The following FGF1 variants were observed in gnomAD, a reference collection of about 807,000 sequenced individuals.
FGF1 encodes beta-endothelial cell growth factor.
A neutral mutation model predicts 13.4 loss-of-function variants in FGF1; 9 were observed. That is an observed-to-expected ratio of 0.67 (90% CI 0.40 to 1.17). FGF1 has a LOEUF of 1.17. Ranked by LOEUF, FGF1 falls within the 50% of genes most tolerant of loss-of-function variation. FGF1 has a pLI of 0.01. For missense variants in FGF1, 156 were observed against 192.7 expected (o/e 0.81, Z 1.13); for synonymous variants, 93 against 79.0 (o/e 1.18, Z -0.94).
In FGF1 at chr5:142,629,370, C is replaced by T. The variant is rs1237683061; in HGVS notation, c.-34-15209G>A. On this transcript the variant is annotated intron_variant, in intron 1 of 3. Transcript: ENST00000337706. Reference sequence around the variant, plus strand: ...GTAGAGACAAGGTCTCGCTATGTTGCCCCGGCTGGTCTTCAACTCCTGGGC... The same window carrying T: ...GTAGAGACAAGGTCTCGCTATGTTGTCCCGGCTGGTCTTCAACTCCTGGGC... 2.6e-5 allele frequency among the ~76,000 whole-genome samples: 4 copies of T among 152,108 alleles called. No individual in the cohort carries two copies. The East Asian group carries it at 7.7e-4, about 29-fold the overall frequency.
At chr5:142,611,492 G>T (rs973047483) in intron 2 of FGF1, among the ~76,000 whole-genome samples, 1 of 152,180 alleles carries the variant, frequency 6.6e-6, no homozygotes, top group Non-Finnish European at 1.5e-5. Flanking sequence ...CCAGGGCTGG[G>T]GGGCTTGAAG....
intron 1 of FGF1, among the ~76,000 whole-genome samples, chr5:142,638,840 C>A (rs1178325593): frequency 2.0e-5 from 3 of 151,904 alleles, no homozygotes; most frequent in African/African-American, 7.3e-5. Flanking sequence ...AGAAAGCAAT[C>A]CCATTAAAAA....
intron 1 of FGF1, among the ~76,000 whole-genome samples, 156 bp from the exon 2 acceptor site, chr5:142,614,317 T>C (rs1759741606): frequency 6.6e-6 from 1 of 152,072 alleles, no homozygotes; most frequent in African/African-American, 2.4e-5. Context: ...GCCTGTGAGG[T>C]GGCTGGTGGT....
At chr5:142,634,980 G>C (rs949428109) in intron 1 of FGF1, among the ~76,000 whole-genome samples, 3 of 151,966 alleles carry the variant, frequency 2.0e-5, no homozygotes, top group Admixed American at 6.6e-5. Context: ...TCGATTGCTC[G>C]TTGTTGCACA....
At chr5:142,664,363 TG>T (rs1769881038) in intron 1 of FGF1, among the ~76,000 whole-genome samples, 1 of 152,208 alleles carries the variant, frequency 6.6e-6, no homozygotes, top group South Asian at 2.1e-4. Context: ...GCCGTGTCAC[TG>T]GCTATGGGCA....
intron 2 of FGF1, among the ~76,000 whole-genome samples, chr5:142,691,128 A>G (rs1199347741): frequency 6.6e-6 from 1 of 152,104 alleles, no homozygotes; most frequent in Non-Finnish European, 1.5e-5. Context: ...TATTCATAAA[A>G]TGTTTACTTA....
chr5:142,613,010 T>G (rs747089280), intron 2 of FGF1, among the ~76,000 whole-genome samples: 1 of 152,212 alleles, frequency 6.6e-6, no homozygotes, highest in African/African-American at 2.4e-5. Context: ...GAAACTTCCT[T>G]CCTGCCTGTC....
At chr5:142,657,813 G>C (rs1159844996) in intron 1 of FGF1, among the ~76,000 whole-genome samples, 1 of 152,208 alleles carries the variant, frequency 6.6e-6, no homozygotes, top group Non-Finnish European at 1.5e-5. Context: ...TGGTGTCTGG[G>C]TCTTCTTTCT....
intron 1 of FGF1, among the ~76,000 whole-genome samples, chr5:142,676,142 C>T (rs1043337842): frequency 3.3e-5 from 5 of 152,036 alleles, no homozygotes; most frequent in Admixed American, 6.6e-5. Context: ...GAAAAAAGGC[C>T]GACAAAGGAA....
At chr5:142,666,279 T>TACACACACACACAC (rs70991775) in intron 1 of FGF1, among the ~76,000 whole-genome samples, 5 of 62,568 alleles carry the variant, frequency 8.0e-5, no homozygotes, top group African/African-American at 3.3e-4. Context: ...GAGCATGTAA[T>TACACACACACACAC]ACACACACAC....
At chr5:142,615,507 C>T (rs1760051111) in intron 1 of FGF1, among the ~76,000 whole-genome samples, 1 of 152,226 alleles carries the variant, frequency 6.6e-6, no homozygotes, top group Non-Finnish European at 1.5e-5. Flanking sequence ...CAGGCGTAAG[C>T]CACCGCGCCC....
rs531141387 is a variant in FGF1, at chr5:142,643,783, G to T, written c.-34-29622C>A. Reference sequence around the variant, plus strand: ...GTTATAGTAAAACAGATCTACATTTGCATACCAGCTCCACAATTTGCTAAC... The same window carrying T: ...GTTATAGTAAAACAGATCTACATTTTCATACCAGCTCCACAATTTGCTAAC... On this transcript the variant is annotated intron_variant, in intron 1 of 3. Transcript: ENST00000337706. Among the ~76,000 whole-genome samples, 5 of 152,280 alleles carry T rather than the reference G, an allele frequency of 3.3e-5. No individual in the cohort carries two copies. In the South Asian group the frequency reaches 1.0e-3, roughly 32 times the overall value.
chr5:142,693,417 G>A (rs907418751), intron 2 of FGF1, among the ~76,000 whole-genome samples: 3 of 151,942 alleles, frequency 2.0e-5, no homozygotes, highest in African/African-American at 4.8e-5. Flanking sequence ...TCAGCCTCCC[G>A]AGTAGCTGGG....
At chr5:142,642,632 A>C (rs1404423042) in intron 1 of FGF1, among the ~76,000 whole-genome samples, 1 of 152,248 alleles carries the variant, frequency 6.6e-6, no homozygotes, top group African/African-American at 2.4e-5. Flanking sequence ...GCAGCCACCA[A>C]ATAGATCTGG....
chr5:142,659,040 T>G (rs1362495905), intron 1 of FGF1, among the ~76,000 whole-genome samples: 1 of 152,178 alleles, frequency 6.6e-6, no homozygotes, highest in Non-Finnish European at 1.5e-5. Context: ...AGCCTTGCAT[T>G]TGCTGGTGTT....
intron 1 of FGF1, among the ~76,000 whole-genome samples, chr5:142,673,274 C>A (rs1407609089): frequency 2.0e-5 from 3 of 152,034 alleles, no homozygotes; most frequent in Non-Finnish European, 4.4e-5. Flanking sequence ...ATCTTTTATT[C>A]TTAGTTGATC....
intron 1 of FGF1, among the ~76,000 whole-genome samples, chr5:142,631,806 C>T (rs1256197866): frequency 6.7e-5 from 7 of 104,758 alleles, no homozygotes; most frequent in South Asian, 6.4e-4. Flanking sequence ...TTTTTTGAGA[C>T]GGAGTCTTGC....
At chr5:142,659,338 C>G (rs1414390531) in intron 1 of FGF1, among the ~76,000 whole-genome samples, 1 of 151,660 alleles carries the variant, frequency 6.6e-6, no homozygotes, top group East Asian at 1.9e-4. Context: ...AAGCGATTCT[C>G]CTGCCTCAGC....
intron 1 of FGF1, among the ~76,000 whole-genome samples, chr5:142,679,402 G>A (rs1773290929): frequency 6.6e-6 from 1 of 152,142 alleles, no homozygotes; most frequent in Non-Finnish European, 1.5e-5. Context: ...CCCCCTGTTG[G>A]GGTCAAGTTC....
Sources: gnomAD v4.1 joint callset for allele counts (sites outside exome capture counted in the v4.1 genomes callset) on GRCh38, gnomAD v4.1.1 for gene constraint, MANE v1.5 for transcripts, NCBI Gene and HGNC (gene_info 2026-07-23, HGNC 2026-07-21) for gene names.